HEATR4: variants seen among roughly 807,000 people sequenced by gnomAD.
The protein encoded by HEATR4 is HEAT repeat containing 4.
In HEATR4, 95 loss-of-function variants were observed where a neutral mutation model predicts 108.8. That is an observed-to-expected ratio of 0.87 (90% CI 0.74 to 1.04). HEATR4 has a LOEUF of 1.04. Ranked by LOEUF, HEATR4 falls within the 50% of genes least tolerant of loss-of-function variation. HEATR4 has a pLI of 0.00. For missense variants in HEATR4, 1,152 were observed against 1,253.8 expected (o/e 0.92, Z 1.23); for synonymous variants, 443 against 459.4 (o/e 0.96, Z 0.46).
Position 73,554,835 on chromosome 14 carries a change from T to C in HEATR4, c.-152+3916A>G, listed in dbSNP as rs189281525. ...TTCAGAAAACCCTTATCAACAAGTG[T>C]ACAATACTTATCTGAAACTATACGT... is the stretch of plus-strand genomic sequence containing the variant. On this transcript the variant is annotated intron_variant, in intron 1 of 17. Transcript: ENST00000553558. Among the ~76,000 whole-genome samples, 16 of 113,962 alleles carry C rather than the reference T, an allele frequency of 1.4e-4. 5 individuals carry two copies. The highest frequency in any genetic ancestry group is 3.0e-4 in the Admixed American group (3 of 9,896). The allele number at this position is 113,962 out of a possible 152,430, so 74.8% of individuals were successfully genotyped here.
In HEATR4 at chr14:73,541,598, T is replaced by C. The variant is rs1318000192; in HGVS notation, c.-151-11354A>G. On this transcript the variant is annotated intron_variant, in intron 1 of 17. Transcript: ENST00000553558. ...GGGAAGGGTTTTGCTGTGATGGCTC[T>C]GGCTTACTATAACTATGAAGACCTC... 46 of 1,244,266 alleles carry C rather than the reference T, an allele frequency of 3.7e-5. 11 individuals are homozygous for C. The highest frequency in any genetic ancestry group is 4.9e-5 in the Non-Finnish European group (46 of 936,334). 77.1% of individuals were successfully genotyped at this position (1,244,266 alleles called of 1,614,324 possible). A position where few individuals can be genotyped will look rare whatever the true frequency, so the allele number is the denominator to read the frequency against.
the HEATR4 span, chr14:73,612,417 G>C: frequency 2.2e-6 from 1 of 459,276 alleles, no homozygotes; most frequent in Admixed American, 4.4e-5. Context: ...AATTCTAGGC[G>C]CCCCACGCAG....
chr14:73,481,458 T>C (rs1885253034), intron 17 of HEATR4, among the ~76,000 whole-genome samples: 1 of 151,592 alleles, frequency 6.6e-6, no homozygotes, highest in African/African-American at 2.4e-5. Context: ...AAAAGATATG[T>C]ATTGCTAGGT....
chr14:73,594,846 G>A, the HEATR4 span, among the ~76,000 whole-genome samples: 10,283 of 152,142 alleles, frequency 0.068, 800 homozygotes, highest in African/African-American at 0.19. Flanking sequence ...GATTAGAGGC[G>A]TGCGCCACCA....
intron 17 of HEATR4, chr14:73,491,679 G>T: frequency 6.5e-7 from 1 of 1,549,610 alleles, no homozygotes; most frequent in Non-Finnish European, 8.7e-7. Flanking sequence ...TTTTACCGGC[G>T]CCTATGGGAG....
chr14:73,519,145 T>C lies in HEATR4; in HGVS notation c.1088A>G (p.His363Arg). The C allele has an allele frequency of 6.2e-7, 1 of 1,613,284 alleles. No individual in the cohort carries two copies. The highest frequency in any genetic ancestry group is 8.5e-7 in the Non-Finnish European group (1 of 1,179,630). ...CTGGTCTCTCTTTGCACCAATCTGG[T>C]GGATGATCTGGACTTCATCTGTGAA... ...EIYFDEVQII[H>R]QIGAKRDQIV... The change falls in exon 5 of 18, where the codon CAC becomes CGC. Residue 363 changes from histidine to arginine, a missense_variant. Transcript: ENST00000553558.
In HEATR4 at chr14:73,508,262, A is replaced by C; in HGVS notation, c.1753T>G (p.Cys585Gly). The C allele has an allele frequency of 6.2e-7, 1 of 1,613,974 alleles. No homozygotes were observed. Among genetic ancestry groups the C allele is most frequent in the Non-Finnish European group, 8.5e-7 (1 of 1,179,978 alleles). Residue 585 changes from cysteine (C) to glycine (G), a missense_variant, in exon 9 of 18, where the codon TGC becomes GGC. Transcript: ENST00000553558. Reference sequence around the variant, plus strand: ...GTAGCAGTACCTTCCAGAGCCAAGCACTGAGCTGCAGCCCAGCTATCCACA... The same window carrying C: ...GTAGCAGTACCTTCCAGAGCCAAGCCCTGAGCTGCAGCCCAGCTATCCACA... ...NSVDSWAAAQ[C>G]LALEGTATYP...
At position 73,487,605 on chromosome 14, in the gene HEATR4, G is replaced by A. The variant is rs529843926; in HGVS notation, c.2844+5461C>T. Among the ~76,000 whole-genome samples, 40 of 152,080 alleles carry A rather than the reference G, an allele frequency of 2.6e-4. No individual in the cohort carries two copies. In the East Asian group the frequency reaches 7.5e-3, roughly 29 times the overall value. ...CAAACAAAGCCTATATTTTTAGCAG[G>A]GCATGGTGGCTCATGCTTGTAATCC... On this transcript the variant is annotated intron_variant, in intron 17 of 17. Coordinates refer to ENST00000553558, the MANE Select transcript of HEATR4 (RefSeq NM_001220484.1).
At chr14:73,595,265 G>A in the HEATR4 span, 10 of 1,614,042 alleles carry the variant, frequency 6.2e-6, no homozygotes, top group Admixed American at 5.0e-5. Context: ...CGTGGACATT[G>A]TGGATATAAG....
At chr14:73,597,145 G>A in the HEATR4 span, among the ~76,000 whole-genome samples, 4,005 of 150,538 alleles carry the variant, frequency 0.027, 79 homozygotes, top group Middle Eastern at 0.046. Flanking sequence ...GTGCAATGGC[G>A]CAATCTCAGC....
Position 73,536,500 on chromosome 14 carries a change from TGAGACCCTGTCTCTTTAAAAA to T in HEATR4, c.-151-6277_-151-6257del, listed in dbSNP as rs1334112022. ...GCTGTACTCCAGACTGGCAACGTAG[TGAGACCCTGTCTCTTTAAAAA>T]AAAAAAAAAAAAAAAAAAAAGATGA... is the stretch of plus-strand genomic sequence containing the variant. On this transcript the variant is annotated intron_variant, in intron 1 of 17. Coordinates refer to ENST00000553558, the MANE Select transcript of HEATR4 (RefSeq NM_001220484.1). Among the ~76,000 whole-genome samples the T allele has an allele frequency of 3.0e-4, 24 of 79,372 alleles. 4 individuals are homozygous for T. The highest frequency in any genetic ancestry group is 1.0e-3 in the African/African-American group (23 of 22,348). The allele number at this position is 79,372 out of a possible 152,430, so 52.1% of individuals were successfully genotyped here.
chr14:73,500,943 C>T (rs757377481), intron 11 of HEATR4, among the ~76,000 whole-genome samples: 8 of 152,172 alleles, frequency 5.3e-5, no homozygotes, highest in Admixed American at 6.5e-5. Context: ...TTAGGTAATG[C>T]AGGGCTTTCA....
At chr14:73,497,339 C>T (rs949699403) in intron 14 of HEATR4, among the ~76,000 whole-genome samples, 1 of 152,074 alleles carries the variant, frequency 6.6e-6, no homozygotes, top group African/African-American at 2.4e-5. Context: ...CTCATCTGGC[C>T]AAGACAATAT....
At chr14:73,501,858 A>G (rs963861433) in intron 11 of HEATR4, among the ~76,000 whole-genome samples, 3 of 151,798 alleles carry the variant, frequency 2.0e-5, no homozygotes, top group Non-Finnish European at 4.4e-5. Flanking sequence ...GGTTCACGCC[A>G]TTCTCCTGCC....
chr14:73,541,028 C>G (rs1164084865), intron 1 of HEATR4, among the ~76,000 whole-genome samples: 1 of 114,864 alleles, frequency 8.7e-6, no homozygotes, highest in Non-Finnish European at 1.9e-5. Context: ...AGGCGTGAGC[C>G]ACCAGACCCA....
the HEATR4 span, chr14:73,592,319 G>A: frequency 6.2e-7 from 1 of 1,609,856 alleles, no homozygotes; most frequent in East Asian, 2.2e-5. Context: ...GACGGCTGCT[G>A]TGCCAGGCGC....
chr14:73,588,827 A>G, the HEATR4 span, among the ~76,000 whole-genome samples: 1 of 152,186 alleles, frequency 6.6e-6, no homozygotes, highest in African/African-American at 2.4e-5. Context: ...AAAAAAAATT[A>G]AGGAACAGGG....
chr14:73,516,872 T>C (rs1887633580), intron 5 of HEATR4, among the ~76,000 whole-genome samples: 1 of 152,216 alleles, frequency 6.6e-6, no homozygotes, highest in African/African-American at 2.4e-5. Context: ...TGGAACCATT[T>C]CATCCTCAAA....
rs113972188 is a variant in HEATR4 at position 73,484,909 on chromosome 14, A to C, written c.2845-6067T>G. ...TACATAATGTAGGCTCATGCCTGTA[A>C]TCCCAGCACTTTGGAAGGCTGAGGC... On this transcript the variant is annotated intron_variant, in intron 17 of 17. Transcript: ENST00000553558. Among the ~76,000 whole-genome samples the C allele has an allele frequency of 3.1e-3, 462 of 150,644 alleles. 3 individuals are homozygous for C. The highest frequency in any genetic ancestry group is 0.011 in the African/African-American group (437 of 41,158).
Sources: allele counts gnomAD v4.1 joint callset (sites outside exome capture counted in the v4.1 genomes callset), GRCh38; gene constraint gnomAD v4.1.1; transcripts MANE v1.5; gene names NCBI Gene and HGNC (gene_info 2026-07-23, HGNC 2026-07-21).